Variants in APBB1IP observed in about 807,000 individuals in gnomAD.
APBB1IP encodes the protein amyloid beta precursor protein binding family B member 1 interacting protein, also known as amyloid beta A4 precursor protein-binding family B member 1-interacting protein.
In APBB1IP, 27 loss-of-function variants were observed where a neutral mutation model predicts 64.9. The ratio of observed to expected loss-of-function variants is 0.42; its 90% CI spans 0.31 to 0.57. APBB1IP has a LOEUF of 0.57. Ranked by LOEUF, APBB1IP falls within the 20% of genes least tolerant of loss-of-function variation. The pLI is 0.20. For synonymous variants in APBB1IP, 392 were observed against 331.0 expected, an observed-to-expected ratio of 1.18 and a Z score of -2.00; for missense variants, 812 against 845.5, an observed-to-expected ratio of 0.96 and a Z score of 0.49.
At chr10:26,495,966 A>AATAT (rs569843234) in intron 3 of APBB1IP, among the ~76,000 whole-genome samples, 1 of 142,208 alleles carries the variant, frequency 7.0e-6, no homozygotes, top group African/African-American at 2.6e-5. Flanking sequence ...ATATATATTT[A>AATAT]ATATATATAA....
At chr10:26,503,451 T>A (rs1036290123) in intron 6 of APBB1IP, among the ~76,000 whole-genome samples, 177 bp downstream of exon 6, 7 of 152,118 alleles carry the variant, frequency 4.6e-5, no homozygotes, top group African/African-American at 1.7e-4. Context: ...CTGGCTAACA[T>A]GGCAAAACCC....
rs565219251 is a variant in APBB1IP, at chr10:26,553,812, A to G, written c.1156-6293A>G. ...ACTGCTATTATTAAGATTTCCAAAG[A>G]ATAGTGGCTTTCTCCAGTCCTCATG... On this transcript the variant is annotated intron_variant, in intron 11 of 14. Transcript: ENST00000376236. Among the ~76,000 whole-genome samples, 8 of 152,288 alleles carry G rather than the reference A, an allele frequency of 5.3e-5. No individual in the cohort carries two copies. In the East Asian group the frequency reaches 1.5e-3, roughly 29 times the overall value.
At position 26,567,735 on chromosome 10, in the gene APBB1IP, C is replaced by A; in HGVS notation, c.*247C>A. On this transcript the variant is annotated 3_prime_UTR_variant, in exon 15 of 15. Coordinates refer to ENST00000376236, the MANE Select transcript of APBB1IP (RefSeq NM_019043.4). Reference sequence around the variant, plus strand: ...ATCTTCCCTTCCAAGCTGCCTAAAGCGCTGTTTTAGGTTCATTTATTTTAT... The same window carrying A: ...ATCTTCCCTTCCAAGCTGCCTAAAGAGCTGTTTTAGGTTCATTTATTTTAT... 1 of 879,698 alleles carries A rather than the reference C, an allele frequency of 1.1e-6. No individual in the cohort carries two copies. Among genetic ancestry groups the A allele is most frequent in the Non-Finnish European group, 1.5e-6 (1 of 667,610 alleles). 54.5% of individuals were successfully genotyped at this position (879,698 alleles called of 1,614,324 possible).
At chr10:26,551,447 G>A (rs549872540) in intron 11 of APBB1IP, among the ~76,000 whole-genome samples, 11 of 152,320 alleles carry the variant, frequency 7.2e-5, no homozygotes, top group African/African-American at 2.6e-4. Flanking sequence ...GTCCAGCGGG[G>A]CTTCCCAGTC....
intron 6 of APBB1IP, among the ~76,000 whole-genome samples, chr10:26,506,537 T>G (rs12414310): frequency 0.014 from 2,116 of 152,246 alleles, 17 homozygotes; most frequent in Admixed American, 0.032. Context: ...CATGTAATAA[T>G]AGTTAAAATA....
chr10:26,466,964 G>A (rs1193757492), intron 2 of APBB1IP, among the ~76,000 whole-genome samples: 3 of 151,994 alleles, frequency 2.0e-5, no homozygotes, highest in African/African-American at 7.3e-5. Flanking sequence ...GTTGTCCAGG[G>A]CAGGAACATT....
intron 3 of APBB1IP, among the ~76,000 whole-genome samples, chr10:26,493,475 A>T (rs1007907304): frequency 6.6e-6 from 1 of 152,320 alleles, no homozygotes; most frequent in Admixed American, 6.5e-5. Context: ...AAAAGTATTA[A>T]TTTGGGGAAC....
chr10:26,550,097 A>G (rs1399822011), intron 11 of APBB1IP, among the ~76,000 whole-genome samples: 1 of 151,574 alleles, frequency 6.6e-6, no homozygotes, highest in East Asian at 1.9e-4. Flanking sequence ...TTGGCCTGCA[A>G]GGTTTCTGCT....
chr10:26,497,718 T>C (rs542292025), intron 4 of APBB1IP, among the ~76,000 whole-genome samples: 1 of 142,234 alleles, frequency 7.0e-6, no homozygotes, highest in Admixed American at 7.4e-5. Context: ...TTCTGTCCTC[T>C]GGATTTTTTT....
At chr10:26,546,937 G>A (rs1836772157) in intron 11 of APBB1IP, among the ~76,000 whole-genome samples, 1 of 152,168 alleles carries the variant, frequency 6.6e-6, no homozygotes, top group Non-Finnish European at 1.5e-5. Context: ...TGGATCATAT[G>A]GTAGATGTAT....
chr10:26,518,907 A>G (rs1427849729), intron 8 of APBB1IP, among the ~76,000 whole-genome samples: 1 of 152,114 alleles, frequency 6.6e-6, no homozygotes, highest in Admixed American at 6.6e-5. Flanking sequence ...CTTCACACAG[A>G]TTTTTTATTA....
chr10:26,484,629 G>A (rs920429864), intron 2 of APBB1IP, among the ~76,000 whole-genome samples: 1 of 152,072 alleles, frequency 6.6e-6, no homozygotes, highest in Non-Finnish European at 1.5e-5. Context: ...ATGAAAAATA[G>A]TGTATCCTTT....
At chr10:26,516,659 A>C (rs1201814743) in intron 8 of APBB1IP, among the ~76,000 whole-genome samples, 2 of 151,614 alleles carry the variant, frequency 1.3e-5, no homozygotes. Flanking sequence ...GAATGGCTGT[A>C]TTCCTCTCGC....
chr10:26,443,147 C>T (rs1380571159), intron 2 of APBB1IP, among the ~76,000 whole-genome samples: 4 of 152,078 alleles, frequency 2.6e-5, no homozygotes, highest in Non-Finnish European at 4.4e-5. Context: ...TGTGGCCGGG[C>T]GTGGTGGCTC....
At chr10:26,527,996 G>A (rs1394567647) in intron 8 of APBB1IP, among the ~76,000 whole-genome samples, 4 of 151,928 alleles carry the variant, frequency 2.6e-5, no homozygotes, top group South Asian at 2.1e-4. Context: ...CTGGCCCCAC[G>A]CCTCTCTTAT....
intron 2 of APBB1IP, among the ~76,000 whole-genome samples, chr10:26,445,398 C>G (rs1304517565): frequency 2.6e-5 from 4 of 152,200 alleles, no homozygotes; most frequent in African/African-American, 9.6e-5. Flanking sequence ...TACTTAAAAG[C>G]CCCATCCATA....
intron 11 of APBB1IP, among the ~76,000 whole-genome samples, chr10:26,552,078 C>T (rs774172943): frequency 2.4e-4 from 37 of 152,300 alleles, no homozygotes; most frequent in Non-Finnish European, 4.7e-4. Context: ...GCAGAAGGAT[C>T]GCTTGAGCCC....
chr10:26,563,788 C>T (rs952282052), intron 14 of APBB1IP, among the ~76,000 whole-genome samples: 2 of 152,110 alleles, frequency 1.3e-5, no homozygotes, highest in East Asian at 1.9e-4. Context: ...TGGTATTTAT[C>T]GAACTTATAA....
intron 14 of APBB1IP, among the ~76,000 whole-genome samples, chr10:26,565,487 C>T (rs1176841448): frequency 6.6e-6 from 1 of 152,192 alleles, no homozygotes; most frequent in South Asian, 2.1e-4. Flanking sequence ...TTTAGAGACA[C>T]ACAGCAACTC....
Sources: allele counts gnomAD v4.1 joint callset (sites outside exome capture counted in the v4.1 genomes callset), GRCh38; gene constraint gnomAD v4.1.1; transcripts MANE v1.5; gene names NCBI Gene and HGNC (gene_info 2026-07-23, HGNC 2026-07-21).